Variants in SYMPK observed in about 807,000 individuals in gnomAD.
The protein encoded by SYMPK is symplekin.
In SYMPK, 49 loss-of-function variants were observed where a neutral mutation model predicts 136.4. That is an observed-to-expected ratio of 0.36 (90% CI 0.29 to 0.46). SYMPK has a LOEUF of 0.46. SYMPK is among the 20% of genes least tolerant of loss of function. The pLI is 1.00. For missense variants in SYMPK, 1,365 were observed against 1,690.0 expected (o/e 0.81, Z 3.37); for synonymous variants, 766 against 713.0 (o/e 1.07, Z -1.19).
At chr19:45,823,709 C>G in intron 19 of SYMPK, 58 bp downstream of exon 19, 1 of 1,494,944 alleles carries the variant, frequency 6.7e-7, no homozygotes, top group South Asian at 1.2e-5. Context: ...TCCCCAGGGC[C>G]CGGGGAAGGC....
chr19:45,848,594 G>A (rs1452465005), intron 6 of SYMPK, among the ~76,000 whole-genome samples, 156 bp downstream of exon 6: 1 of 152,220 alleles, frequency 6.6e-6, no homozygotes, highest in Non-Finnish European at 1.5e-5. Context: ...TGACCTAGGA[G>A]ACAACGTTAG....
Position 45,837,541 on chromosome 19 carries a change from C to T in SYMPK, c.1242+920G>A, listed in dbSNP as rs562269171. Among the ~76,000 whole-genome samples, 16 of 139,980 alleles carry T rather than the reference C, an allele frequency of 1.1e-4. 1 individual carries two copies. In the South Asian group the frequency reaches 1.9e-3, roughly 17 times the overall value. The allele number at this position is 139,980 out of a possible 152,430, so 91.8% of individuals were successfully genotyped here. On this transcript the variant is annotated intron_variant, in intron 10 of 26. Coordinates refer to ENST00000245934, the MANE Select transcript of SYMPK (RefSeq NM_004819.3). Reference sequence around the variant, plus strand: ...CTGAGGCAAGAGAATCACTTGAACCCGGGAGGCGGAGATTACAGTGAGCTG... The same window carrying T: ...CTGAGGCAAGAGAATCACTTGAACCTGGGAGGCGGAGATTACAGTGAGCTG...
Position 45,852,356 on chromosome 19 carries a change from T to C in SYMPK, c.255A>G (p.Ser85=), listed in dbSNP as rs1249527054. Residue 85 remains serine (S), a synonymous_variant, in exon 5 of 27, where the codon TCA becomes TCG. Coordinates refer to ENST00000245934, the MANE Select transcript of SYMPK (RefSeq NM_004819.3). The part of the protein sequence containing the change: ...DEIIAFQADK[S]IEVRKFVIGF... The stretch of plus-strand genomic sequence containing the variant: ...CGATGACAAATTTTCGCACTTCGAT[T>C]GACTTGTCTGCTTGGAATGCGATGA... 1.2e-6 allele frequency: 2 copies of C among 1,614,096 alleles called. No individual in the cohort carries two copies. Among genetic ancestry groups the C allele is most frequent in the African/African-American group, 1.3e-5 (1 of 74,944 alleles).
intron 23 of SYMPK, 92 bp downstream of exon 23, chr19:45,817,867 C>T (rs1330698877): frequency 1.5e-6 from 2 of 1,330,746 alleles, no homozygotes; most frequent in African/African-American, 1.5e-5. Context: ...CTCCACCGGG[C>T]TCCCTCCGGG....
chr19:45,858,938 T>C (rs1971896233), intron 1 of SYMPK, among the ~76,000 whole-genome samples: 1 of 151,984 alleles, frequency 6.6e-6, no homozygotes, highest in Admixed American at 6.6e-5. Context: ...ATTTATTTAT[T>C]TGAAATCATT....
At chr19:45,861,019 T>A (rs914434799) in intron 1 of SYMPK, among the ~76,000 whole-genome samples, 1 of 152,196 alleles carries the variant, frequency 6.6e-6, no homozygotes, top group Non-Finnish European at 1.5e-5. Flanking sequence ...AATTGTTTTT[T>A]ACCCCCAGGT....
chr19:45,852,628 G>A (rs574642944), intron 3 of SYMPK, 93 bp from the exon 4 acceptor site: 1 of 1,453,776 alleles, frequency 6.9e-7, no homozygotes, highest in South Asian at 1.2e-5. Context: ...AGACAGCAGA[G>A]GGCTAGGCAG....
chr19:45,827,686 T>C, intron 15 of SYMPK, 63 bp from the exon 16 acceptor site: 2 of 1,538,102 alleles, frequency 1.3e-6, no homozygotes, highest in Admixed American at 3.3e-5. Context: ...GCTCTGTCTT[T>C]CCTGCCTGCC....
chr19:45,845,879 A>C (rs1232708156), intron 7 of SYMPK, among the ~76,000 whole-genome samples: 1 of 152,164 alleles, frequency 6.6e-6, no homozygotes, highest in East Asian at 1.9e-4. Context: ...CTTTTTGATA[A>C]AAGTCACTTT....
At position 45,829,032 on chromosome 19, in the gene SYMPK, C is replaced by T. The variant is rs376779747; in HGVS notation, c.1923G>A (p.Lys641=). 1.8e-4 allele frequency: 292 copies of T among 1,614,214 alleles called. 1 individual carries two copies. Among genetic ancestry groups the T allele is most frequent in the African/African-American group, 5.5e-4 (41 of 75,050 alleles). The part of the protein sequence containing the change: ...LAAGASGSLD[K]YEDCLIRLLS... ...ACAGGCGGATGAGGCAGTCCTCATA[C>T]TTGTCCAGGGAGCCCGAGGCACCTG... The change falls in exon 14 of 27, where the codon AAG becomes AAA. Residue 641 remains lysine, a synonymous_variant. Transcript: ENST00000245934.
chr19:45,836,242 T>A (rs1971297663), intron 10 of SYMPK, among the ~76,000 whole-genome samples: 2 of 151,396 alleles, frequency 1.3e-5, no homozygotes, highest in South Asian at 4.2e-4. Context: ...CCACCGCACC[T>A]GGCTAATTTT....
At chr19:45,832,485 G>A (rs768423709) in intron 11 of SYMPK, among the ~76,000 whole-genome samples, 11 of 151,974 alleles carry the variant, frequency 7.2e-5, no homozygotes, top group East Asian at 1.9e-4. Flanking sequence ...ATGACCCAAC[G>A]GTTCCACTCC....
chr19:45,830,255 G>A (rs1411554279), intron 12 of SYMPK, 51 bp from the exon 13 acceptor site: 1 of 1,565,244 alleles, frequency 6.4e-7, no homozygotes, highest in Non-Finnish European at 8.7e-7. Context: ...TGCAGCAAAG[G>A]CCTGTCTGGT....
chr19:45,860,335 G>A (rs1477983208), intron 1 of SYMPK, among the ~76,000 whole-genome samples: 1 of 151,950 alleles, frequency 6.6e-6, no homozygotes, highest in Non-Finnish European at 1.5e-5. Context: ...GCAGGCACAT[G>A]TAATCCTAGC....
intron 1 of SYMPK, chr19:45,862,568 G>A (rs1257730889): frequency 2.0e-5 from 3 of 153,280 alleles, no homozygotes; most frequent in East Asian, 1.9e-4. Context: ...CACGTGACAT[G>A]AAGGAACACG....
chr19:45,842,540 C>A, intron 8 of SYMPK, 51 bp from the exon 9 acceptor site: 4 of 1,590,658 alleles, frequency 2.5e-6, no homozygotes, highest in African/African-American at 2.7e-5. Flanking sequence ...TCATGGCATG[C>A]TGCCAGTCTT....
rs768765810 is a variant in SYMPK, at chr19:45,830,063, C to T, written c.1740G>A (p.Gly580=). Residue 580 remains glycine, a synonymous_variant, in exon 13 of 27, where the codon GGG becomes GGA. Transcript: ENST00000245934. ...GGTGGCAGGCGCACACCTGGGCTGC[C>T]CCGCTGCAGGCCACAGCCTTCTCAG... The part of the protein sequence containing the change: ...LRAEKAVACS[G]AAQVRIKILA... 10 of 1,552,102 alleles carry T rather than the reference C, an allele frequency of 6.4e-6. No individual in the cohort carries two copies. The East Asian group carries it at 2.4e-4, about 38-fold the overall frequency.
intron 5 of SYMPK, among the ~76,000 whole-genome samples, chr19:45,849,596 T>C (rs1010471783): frequency 2.8e-4 from 43 of 152,362 alleles, no homozygotes; most frequent in Admixed American, 2.5e-3. Context: ...TGCTCACTGC[T>C]ATACTACAGC....
At chr19:45,862,975 G>A in intron 1 of SYMPK, 83 bp downstream of exon 1, 1 of 400,424 alleles carries the variant, frequency 2.5e-6, no homozygotes, top group East Asian at 3.6e-5. Context: ...TCTCCCCACG[G>A]CGATGCCCTC....
Sources: allele counts gnomAD v4.1 joint callset (sites outside exome capture counted in the v4.1 genomes callset), GRCh38; gene constraint gnomAD v4.1.1; transcripts MANE v1.5; gene names NCBI Gene and HGNC (gene_info 2026-07-23, HGNC 2026-07-21).